CNTNAP2: variants seen among roughly 807,000 people sequenced by gnomAD.
CNTNAP2 encodes contactin-associated protein-like 2.
Under a neutral mutation model 155.2 loss-of-function variants are expected in CNTNAP2, and 98 were observed. The observed-to-expected ratio is 0.63, with a 90% CI of 0.54 to 0.75. The LOEUF is 0.75. Ranked by LOEUF, CNTNAP2 falls within the 30% of genes least tolerant of loss-of-function variation. CNTNAP2 has a pLI of 0.00. For synonymous variants in CNTNAP2, 651 were observed against 631.2 expected (o/e 1.03, Z -0.47); for missense variants, 1,727 against 1,688.1 (o/e 1.02, Z -0.40).
intron 1 of CNTNAP2, among the ~76,000 whole-genome samples, chr7:146,245,360 G>A (rs553273878): frequency 0.088 from 13,301 of 151,962 alleles, 1,844 homozygotes; most frequent in African/African-American, 0.3. Flanking sequence ...ATATGCGTCA[G>A]CTATGAGGAA....
intron 2 of CNTNAP2, among the ~76,000 whole-genome samples, chr7:146,801,538 A>G (rs1030812612): frequency 1.3e-5 from 2 of 152,252 alleles, no homozygotes; most frequent in Non-Finnish European, 2.9e-5. Context: ...CAAGAAAGGT[A>G]CGTAAGTGGA....
At chr7:146,914,569 A>G (rs910366036) in intron 3 of CNTNAP2, among the ~76,000 whole-genome samples, 1 of 151,808 alleles carries the variant, frequency 6.6e-6, no homozygotes, top group Non-Finnish European at 1.5e-5. Context: ...GTATTTTTTC[A>G]TGTGTTTGTT....
rs546297229 is a variant in CNTNAP2 at position 147,629,593 on chromosome 7, T to A, written c.1898-9513T>A. The stretch of plus-strand genomic sequence containing the variant: ...ATATGATAGCTTACAAAACAAGTCT[T>A]GATAAACTTAAGAAAATAAAAAGTA... On this transcript the variant is annotated intron_variant, in intron 12 of 23. Transcript: ENST00000361727. 3.0e-4 allele frequency among the ~76,000 whole-genome samples: 46 copies of A among 152,076 alleles called. 1 individual carries two copies. In the South Asian group the frequency reaches 9.1e-3, roughly 30 times the overall value.
intron 1 of CNTNAP2, among the ~76,000 whole-genome samples, chr7:146,759,536 A>G (rs1299949823): frequency 1.3e-5 from 2 of 152,010 alleles, no homozygotes; most frequent in Non-Finnish European, 2.9e-5. Context: ...TACTAAAAAT[A>G]CAAAAAAAAT....
chr7:147,616,654 C>T (rs1801299460), intron 12 of CNTNAP2, among the ~76,000 whole-genome samples: 1 of 152,126 alleles, frequency 6.6e-6, no homozygotes, highest in Non-Finnish European at 1.5e-5. Flanking sequence ...AATGGTCTCT[C>T]TCACTCCTCA....
chr7:147,943,585 A>G (rs1195995045), intron 14 of CNTNAP2, among the ~76,000 whole-genome samples: 2 of 151,916 alleles, frequency 1.3e-5, no homozygotes, highest in Non-Finnish European at 2.9e-5. Context: ...CCTGGCCAAC[A>G]TGGTGAAGCC....
chr7:148,079,515 T>G (rs1188527906), intron 15 of CNTNAP2, among the ~76,000 whole-genome samples: 1 of 152,192 alleles, frequency 6.6e-6, no homozygotes, highest in Non-Finnish European at 1.5e-5. Flanking sequence ...TTGTAAATGT[T>G]TCTTATCAGA....
chr7:147,168,984 C>T (rs1428042906), intron 8 of CNTNAP2, among the ~76,000 whole-genome samples: 2 of 152,094 alleles, frequency 1.3e-5, no homozygotes, highest in Admixed American at 1.3e-4. Context: ...GTATATCAAT[C>T]TCAGATTAAA....
intron 13 of CNTNAP2, among the ~76,000 whole-genome samples, chr7:147,856,180 G>C (rs1399199573): frequency 1.3e-5 from 2 of 151,916 alleles, no homozygotes; most frequent in Non-Finnish European, 1.5e-5. Flanking sequence ...CCCATATAGG[G>C]TTTCTTGTTC....
intron 3 of CNTNAP2, among the ~76,000 whole-genome samples, chr7:147,025,861 TTTTTA>T (rs1798909830): frequency 7.1e-6 from 1 of 141,696 alleles, no homozygotes; most frequent in African/African-American, 2.7e-5. Context: ...GTTTTTTTTT[TTTTTA>T]AATTTTTATA....
At chr7:146,565,537 T>G (rs1361696932) in intron 1 of CNTNAP2, among the ~76,000 whole-genome samples, 2 of 152,194 alleles carry the variant, frequency 1.3e-5, no homozygotes, top group Admixed American at 6.5e-5. Context: ...ATTGCTACGC[T>G]TTTTTATTCT....
chr7:147,099,360 G>T (rs573922464), intron 4 of CNTNAP2, among the ~76,000 whole-genome samples: 3 of 152,142 alleles, frequency 2.0e-5, no homozygotes, highest in Middle Eastern at 3.4e-3. Flanking sequence ...GGTCAGCAAG[G>T]CCCCAGATGT....
intron 3 of CNTNAP2, among the ~76,000 whole-genome samples, chr7:146,965,819 G>A (rs559364077): frequency 1.9e-4 from 29 of 152,238 alleles, no homozygotes; most frequent in African/African-American, 4.3e-4. Context: ...GTGAGGGGTC[G>A]CACACTTTTG....
intron 14 of CNTNAP2, among the ~76,000 whole-genome samples, chr7:147,917,572 A>C (rs1241755679): frequency 6.6e-6 from 1 of 152,170 alleles, no homozygotes; most frequent in Non-Finnish European, 1.5e-5. Flanking sequence ...TTTACATACC[A>C]CTTCCATTTA....
At position 147,457,243 on chromosome 7, in the gene CNTNAP2, C is replaced by A. The variant is rs1347528716; in HGVS notation, c.1671-28692C>A. 2.6e-5 allele frequency among the ~76,000 whole-genome samples: 4 copies of A among 152,086 alleles called. No homozygotes were observed. In the South Asian group the frequency reaches 8.3e-4, roughly 32 times the overall value. On this transcript the variant is annotated intron_variant, in intron 10 of 23. Coordinates refer to ENST00000361727, the MANE Select transcript of CNTNAP2 (RefSeq NM_014141.6). ...TAATGTTGGAAGTTGTAAAGGAGTT[C>A]TCTGGGCTTTTTTCCCATCACTTAC...
intron 4 of CNTNAP2, among the ~76,000 whole-genome samples, chr7:147,100,003 G>T (rs755511494): frequency 2.6e-5 from 4 of 152,246 alleles, no homozygotes; most frequent in Non-Finnish European, 4.4e-5. Flanking sequence ...TATTATTTCT[G>T]CATTATTGGA....
intron 15 of CNTNAP2, among the ~76,000 whole-genome samples, chr7:148,054,208 G>A (rs971795569): frequency 2.6e-5 from 4 of 152,000 alleles, no homozygotes; most frequent in African/African-American, 7.2e-5. Context: ...TCCTGACCTC[G>A]TGATCCACCC....
At chr7:148,135,713 G>T (rs1178425046) in intron 16 of CNTNAP2, among the ~76,000 whole-genome samples, 2 of 150,890 alleles carry the variant, frequency 1.3e-5, no homozygotes, top group Non-Finnish European at 3.0e-5. Flanking sequence ...GCTGGGTGTG[G>T]TGGCAGGTGC....
intron 15 of CNTNAP2, among the ~76,000 whole-genome samples, chr7:148,089,576 A>C (rs1003135957): frequency 6.6e-6 from 1 of 151,896 alleles, no homozygotes; most frequent in Non-Finnish European, 1.5e-5. Flanking sequence ...ATACTTAAGA[A>C]AAATTTAACC....
Sources: allele counts gnomAD v4.1 joint callset (sites outside exome capture counted in the v4.1 genomes callset), GRCh38; gene constraint gnomAD v4.1.1; transcripts MANE v1.5; gene names NCBI Gene and HGNC (gene_info 2026-07-23, HGNC 2026-07-21).